SPTB: variants seen among roughly 807,000 people sequenced by gnomAD.
SPTB encodes the protein spectrin beta, erythrocytic.
Under a neutral mutation model 256.2 loss-of-function variants are expected in SPTB, and 45 were observed. The observed-to-expected ratio is 0.18, with a 90% CI of 0.14 to 0.23. The LOEUF is 0.23. Among genes scored for constraint, SPTB ranks in the 10% least tolerant of loss-of-function variants. The pLI is 1.00. For synonymous variants in SPTB, 1,231 were observed against 1,243.1 expected (o/e 0.99, Z 0.21); for missense variants, 2,715 against 3,040.4 (o/e 0.89, Z 2.52).
Position 64,847,916 on chromosome 14 carries a change from G to A in SPTB, c.-51-24771C>T, listed in dbSNP as rs1454887812. On this transcript the variant is annotated intron_variant, in intron 1 of 35. Coordinates refer to ENST00000644917, the MANE Select transcript of SPTB (RefSeq NM_001355436.2). This position sits in a 1 kb window ranked among gnomAD's most constrained non-coding sequence, Gnocchi z 5.9. ...CACACCTCCGCTTCCTCCACTGTCC[G>A]TGGCCAGGTGATCGCATGCATCCTT... Among the ~76,000 whole-genome samples the A allele has an allele frequency of 2.0e-5, 3 of 152,120 alleles. No homozygotes were observed. The highest frequency in any genetic ancestry group is 1.9e-4 in the East Asian group (1 of 5,198).
chr14:64,833,215 C>T (rs1030328948), intron 1 of SPTB, among the ~76,000 whole-genome samples: 1 of 152,180 alleles, frequency 6.6e-6, no homozygotes, highest in Non-Finnish European at 1.5e-5. Context: ...AGAATAACTT[C>T]TTCTCTGTCA....
At position 64,769,268 on chromosome 14, in the gene SPTB, G is replaced by C. The variant is rs1365122112; in HGVS notation, c.5938-150C>G. On this transcript the variant is annotated intron_variant, in intron 28 of 35. Transcript: ENST00000644917. ...CAGCTGCTTGCCAGCTGTGTGGCCTGGGGCAAGTTATTTAACCTCTCTGAG... is the reference window on the plus strand; with the variant it reads ...CAGCTGCTTGCCAGCTGTGTGGCCTCGGGCAAGTTATTTAACCTCTCTGAG... The C allele has an allele frequency of 6.0e-6, 5 of 837,798 alleles. No individual in the cohort carries two copies. The African/African-American group carries it at 6.7e-5, about 11-fold the overall frequency. 51.9% of individuals were successfully genotyped at this position (837,798 alleles called of 1,614,324 possible).
At chr14:64,814,165 C>T (rs371473061) in intron 2 of SPTB, among the ~76,000 whole-genome samples, 60 of 152,274 alleles carry the variant, frequency 3.9e-4, no homozygotes, top group African/African-American at 1.3e-3. Context: ...GGTCAGAAGC[C>T]GGGCATGGTA....
Position 64,778,469 on chromosome 14 carries a change from C to T in SPTB, c.4563+688G>A, listed in dbSNP as rs181065617. 2.1e-3 allele frequency among the ~76,000 whole-genome samples: 321 copies of T among 152,288 alleles called. No individual in the cohort carries two copies. The highest frequency in any genetic ancestry group is 7.6e-3 in the African/African-American group (314 of 41,564). Reference sequence around the variant, plus strand: ...TCTGTGGCCATTCCCCTGGCCGCTGCGACCCCACACAGCCAGCTTCCTTAC... The same window carrying T: ...TCTGTGGCCATTCCCCTGGCCGCTGTGACCCCACACAGCCAGCTTCCTTAC... On this transcript the variant is annotated intron_variant, in intron 22 of 35. Coordinates refer to ENST00000644917, the MANE Select transcript of SPTB (RefSeq NM_001355436.2). The surrounding 1 kb of genome is among the most constrained non-coding windows in gnomAD (Gnocchi z 5.2).
chr14:64,840,249 C>G (rs1188347702), intron 1 of SPTB, among the ~76,000 whole-genome samples: 1 of 152,174 alleles, frequency 6.6e-6, no homozygotes, highest in Non-Finnish European at 1.5e-5. Context: ...GGTCCATTTC[C>G]ACCTTAGGAT....
rs571438668 is a variant in SPTB, at chr14:64,760,810, G to A, written c.6345+5916C>T. 2.0e-5 allele frequency among the ~76,000 whole-genome samples: 3 copies of A among 152,190 alleles called. No homozygotes were observed. Among genetic ancestry groups the A allele is most frequent in the Admixed American group, 6.5e-5 (1 of 15,284 alleles). On this transcript the variant is annotated intron_variant, in intron 32 of 35. Coordinates refer to ENST00000644917, the MANE Select transcript of SPTB (RefSeq NM_001355436.2). This position sits in a 1 kb window ranked among gnomAD's most constrained non-coding sequence, Gnocchi z 4.3. ...GTGTTACAAATGAGGGAAACTGGGG[G>A]TCGTACAGAATGAGTGACCTGTCCA...
intron 33 of SPTB, among the ~76,000 whole-genome samples, chr14:64,751,073 G>A (rs1393888084): frequency 7.8e-5 from 11 of 140,324 alleles, no homozygotes; most frequent in African/African-American, 2.9e-4. Flanking sequence ...AACATTTATA[G>A]TATATAACAT....
intron 1 of SPTB, among the ~76,000 whole-genome samples, chr14:64,836,707 T>C (rs1475208668): frequency 6.6e-6 from 1 of 152,204 alleles, no homozygotes; most frequent in Non-Finnish European, 1.5e-5. Flanking sequence ...TTCCTTTCGT[T>C]GTAAACTCCT....
chr14:64,831,744 T>C (rs1470071962), intron 1 of SPTB, among the ~76,000 whole-genome samples: 10 of 152,248 alleles, frequency 6.6e-5, no homozygotes, highest in Admixed American at 5.2e-4. Context: ...AACCTGTGCG[T>C]CCACCACTGG....
At chr14:64,750,222 C>T (rs1159496007) in intron 33 of SPTB, 68 bp from the exon 34 acceptor site, 4 of 1,508,510 alleles carry the variant, frequency 2.7e-6, no homozygotes, top group Non-Finnish European at 3.6e-6. Context: ...ATTCCTATAG[C>T]TTCACCATTA....
chr14:64,795,224 C>T lies in SPTB; in HGVS notation c.1644+113G>A. The T allele has an allele frequency of 7.9e-7, 1 of 1,273,608 alleles. No homozygotes were observed. The highest frequency in any genetic ancestry group is 1.1e-6 in the Non-Finnish European group (1 of 918,504). The allele number at this position is 1,273,608 out of a possible 1,614,324, so 78.9% of individuals were successfully genotyped here. On this transcript the variant is annotated intron_variant, in intron 12 of 35. Coordinates refer to ENST00000644917, the MANE Select transcript of SPTB (RefSeq NM_001355436.2). The surrounding 1 kb of genome is among the most constrained non-coding windows in gnomAD (Gnocchi z 6.5). ...TGCTGCCTCAGTTTCTCTATTTTGA[C>T]TCAGAGATATGACTGGCTGGGAGGT...
rs778870352 is a variant in SPTB, at chr14:64,775,189, G to A, written c.4778C>T (p.Ala1593Val). 2 of 1,613,958 alleles carry A rather than the reference G, an allele frequency of 1.2e-6. No individual in the cohort carries two copies. Residue 1593 changes from alanine to valine, a missense_variant, in exon 23 of 36, where the codon GCA (alanine) becomes GTA (valine). Coordinates refer to ENST00000644917, the MANE Select transcript of SPTB (RefSeq NM_001355436.2). The surrounding 1 kb of genome is among the most constrained non-coding windows in gnomAD (Gnocchi z 5.0). ...GCCAATCCAGGCCTCAGCCTCGTCT[G>A]CATCCAGGTAGTACTGCTGTGCCTC... ...ANEAQQYYLD[A>V]DEAEAWIGEQ...
intron 1 of SPTB, among the ~76,000 whole-genome samples, chr14:64,874,820 T>C (rs991134946): frequency 2.0e-5 from 3 of 152,266 alleles, no homozygotes; most frequent in South Asian, 4.1e-4. Flanking sequence ...CTTTTCACAA[T>C]GGTGGAAACT....
chr14:64,767,838 G>A lies in SPTB; in HGVS notation c.6044C>T (p.Ser2015Leu), dbSNP rs752332760. 4 of 1,613,942 alleles carry A rather than the reference G, an allele frequency of 2.5e-6. No homozygotes were observed. Among genetic ancestry groups the A allele is most frequent in the East Asian group, 4.5e-5 (2 of 44,878 alleles). The stretch of plus-strand genomic sequence containing the variant: ...CGCCTCAGCCACAGAGGCATCCCTC[G>A]AGAACTGGCACACCTCCAGCACTGC... ...LRMLLEVCQF[S>L]RDASVAEAWL... Residue 2015 changes from serine to leucine, a missense_variant, in exon 30 of 36, where the codon TCG becomes TTG. Ser to Leu is a moderately radical substitution (Grantham distance 145). Coordinates refer to ENST00000644917, the MANE Select transcript of SPTB (RefSeq NM_001355436.2).
In SPTB at chr14:64,800,786, C is replaced by A. The variant is rs2082868996; in HGVS notation, c.846G>T (p.Val282=). ...AFYHYFSKMK[V]LAVEGKRVGK... ...CGACACGCTTGCCCTCCACTGCCAG[C>A]ACCTTCATCTTGGAGAAGTAGTGGT... is the stretch of plus-strand genomic sequence containing the variant. The change falls in exon 8 of 36, where the codon GTG becomes GTT. Residue 282 remains valine, a synonymous_variant. Coordinates refer to ENST00000644917, the MANE Select transcript of SPTB (RefSeq NM_001355436.2). 6.2e-7 allele frequency: 1 copy of A among 1,614,240 alleles called. No individual in the cohort carries two copies. Among genetic ancestry groups the A allele is most frequent in the Non-Finnish European group, 8.5e-7 (1 of 1,180,042 alleles).
chr14:64,757,144 A>T (rs2082026428), intron 32 of SPTB: 1 of 152,216 alleles, frequency 6.6e-6, no homozygotes. Context: ...CTTGGGTCTC[A>T]GAGAAGCAGC....
chr14:64,768,653 C>T (rs1340517715), intron 29 of SPTB, among the ~76,000 whole-genome samples: 2 of 151,956 alleles, frequency 1.3e-5, no homozygotes, highest in African/African-American at 2.4e-5. Context: ...AACCCCTCTC[C>T]CAGACCCCCA....
chr14:64,770,045 T>C (rs2082254609), intron 27 of SPTB, among the ~76,000 whole-genome samples: 1 of 152,204 alleles, frequency 6.6e-6, no homozygotes, highest in Non-Finnish European at 1.5e-5. Context: ...CTTGAAAACA[T>C]TATACTAAGG....
At chr14:64,834,788 T>C (rs2083497938) in intron 1 of SPTB, among the ~76,000 whole-genome samples, 1 of 139,086 alleles carries the variant, frequency 7.2e-6, no homozygotes, top group African/African-American at 3.1e-5. Context: ...CTCAATTTCC[T>C]CACCCAAAAA....
Sources: allele counts gnomAD v4.1 joint callset (sites outside exome capture counted in the v4.1 genomes callset), GRCh38; gene constraint gnomAD v4.1.1; non-coding constraint Gnocchi (gnomAD v3.1); transcripts MANE v1.5; gene names NCBI Gene and HGNC (gene_info 2026-07-23, HGNC 2026-07-21).